GNPTAB: variants seen among roughly 807,000 people sequenced by gnomAD.
The protein encoded by GNPTAB is N-acetylglucosamine-1-phosphate transferase subunits alpha and beta.
Under a neutral mutation model 136.6 loss-of-function variants are expected in GNPTAB, and 92 were observed. The observed-to-expected ratio is 0.67, with a 90% CI of 0.57 to 0.80. The LOEUF (loss-of-function observed/expected upper bound fraction) is 0.80. GNPTAB is among the 30% of genes least tolerant of loss of function. The pLI, the probability that GNPTAB is intolerant of heterozygous loss-of-function variation, is 0.00. For missense variants in GNPTAB, 1,343 were observed against 1,501.8 expected, an observed-to-expected ratio of 0.89 and a Z score of 1.75; for synonymous variants, 512 against 535.1, an observed-to-expected ratio of 0.96 and a Z score of 0.60.
chr12:101,770,529 C>T lies in GNPTAB; in HGVS notation c.990G>A (p.Arg330=), dbSNP rs368026099. 3 of 1,613,434 alleles carry T rather than the reference C, an allele frequency of 1.9e-6. No homozygotes were observed. Among genetic ancestry groups the T allele is most frequent in the East Asian group, 2.2e-5 (1 of 44,878 alleles). The part of the protein sequence containing the change: ...ASRFEDNEEL[R]YSLRSIERHA... ...GCCTCTCGATAGATCGCAATGAGTA[C>T]CTCAGTTCTTCGTTATCTTCAAAAC... is the stretch of plus-strand genomic sequence containing the variant. The change falls in exon 9 of 21, where the codon AGG becomes AGA. Residue 330 remains arginine (R), a synonymous_variant. Coordinates refer to ENST00000299314, the MANE Select transcript of GNPTAB (RefSeq NM_024312.5).
intron 1 of GNPTAB, among the ~76,000 whole-genome samples, chr12:101,826,478 T>A (rs1296118581): frequency 6.7e-6 from 1 of 149,102 alleles, no homozygotes; most frequent in Non-Finnish European, 1.5e-5. Flanking sequence ...AATTTTTAAT[T>A]TTTTTAATTT....
At chr12:101,825,685 T>G (rs1012402242) in intron 1 of GNPTAB, among the ~76,000 whole-genome samples, 5 of 92,618 alleles carry the variant, frequency 5.4e-5, no homozygotes, top group Non-Finnish European at 7.8e-5. Context: ...GCATCTCTAG[T>G]ATAAAATCCA....
chr12:101,753,579 A>G, intron 18 of GNPTAB, 40 bp from the exon 19 acceptor site: 1 of 1,528,942 alleles, frequency 6.5e-7, no homozygotes, highest in Non-Finnish European at 9.1e-7. Context: ...TTACATATGG[A>G]TAATCCTGAC....
At chr12:101,761,845 G>T in intron 13 of GNPTAB, 82 bp from the exon 14 acceptor site, 2 of 1,025,798 alleles carry the variant, frequency 1.9e-6, no homozygotes, top group Non-Finnish European at 1.5e-6. Flanking sequence ...TATATAATGT[G>T]GTAATAACTA....
chr12:101,757,125 C>T, intron 18 of GNPTAB, 87 bp downstream of exon 18: 3 of 767,064 alleles, frequency 3.9e-6, no homozygotes, highest in Non-Finnish European at 6.7e-6. Flanking sequence ...TTGGTCTGTT[C>T]CATACAGAAA....
intron 5 of GNPTAB, among the ~76,000 whole-genome samples, chr12:101,784,139 ACTC>A (rs960530255): frequency 4.6e-5 from 7 of 152,160 alleles, no homozygotes; most frequent in African/African-American, 1.7e-4. Flanking sequence ...AAAACCATAA[ACTC>A]CTGTGCAATC....
rs752434034 is a variant in GNPTAB, at chr12:101,760,030, C to T, written c.3249G>A (p.Leu1083=). Residue 1083 remains leucine (L), a splice_region_variant and synonymous_variant, in exon 16 of 21, where the codon CTG becomes CTA. Coordinates refer to ENST00000299314, the MANE Select transcript of GNPTAB (RefSeq NM_024312.5). ...CATAAAAGTAACCCATTCCACTTAC[C>T]AGGTTGGGATCATAGTAGGATTCCT... is the stretch of plus-strand genomic sequence containing the variant. ...PTQESYYDPN[L]PPVTKSLVTN... 6.4e-7 allele frequency: 1 copy of T among 1,551,590 alleles called. No individual in the cohort carries two copies. Among genetic ancestry groups the T allele is most frequent in the South Asian group, 1.1e-5 (1 of 89,880 alleles).
rs561442316 is a variant in GNPTAB, at chr12:101,813,863, A to T, written c.117+16696T>A. 2.6e-5 allele frequency among the ~76,000 whole-genome samples: 4 copies of T among 152,166 alleles called. No homozygotes were observed. The South Asian group carries it at 8.3e-4, about 32-fold the overall frequency. On this transcript the variant is annotated intron_variant, in intron 1 of 20. Coordinates refer to ENST00000299314, the MANE Select transcript of GNPTAB (RefSeq NM_024312.5). ...TGGGAGGTTGAGACGGGCAGATCAC[A>T]AGGTCAGGAGTTTGAGACCAGCCTG... is the stretch of plus-strand genomic sequence containing the variant.
intron 1 of GNPTAB, among the ~76,000 whole-genome samples, chr12:101,829,434 G>A (rs535498753): frequency 1.3e-5 from 2 of 152,254 alleles, no homozygotes; most frequent in African/African-American, 2.4e-5. Flanking sequence ...GCAATGAGCC[G>A]AGATGGAGCC....
At position 101,770,036 on chromosome 12, in the gene GNPTAB, G is replaced by A. The variant is rs111863978; in HGVS notation, c.1269C>T (p.His423=). 8.9e-5 allele frequency: 143 copies of A among 1,614,088 alleles called. No homozygotes were observed. In the African/African-American group the frequency reaches 1.4e-3, roughly 16 times the overall value. ...KDVWPDDFYS[H]SKGQKVYLTW... ...AGGCACTCACCTTCTGGCCTTTGGA[G>A]TGACTGTAAAAATCATCTGGCCAGA... The change falls in exon 10 of 21, where the codon CAC becomes CAT. Residue 423 remains histidine (H), a synonymous_variant. Transcript: ENST00000299314.
intron 5 of GNPTAB, chr12:101,785,743 G>C: frequency 2.4e-6 from 1 of 414,810 alleles, no homozygotes; most frequent in East Asian, 4.8e-5. Context: ...ATAATTCAGA[G>C]CCAAGAGAAC....
At chr12:101,794,943 T>A (rs773823038) in intron 2 of GNPTAB, among the ~76,000 whole-genome samples, 9 of 152,140 alleles carry the variant, frequency 5.9e-5, no homozygotes, top group Non-Finnish European at 1.2e-4. Context: ...AATTTAAAAA[T>A]TTTTAAAAAC....
chr12:101,775,089 G>A (rs1566080033), intron 7 of GNPTAB, among the ~76,000 whole-genome samples: 1 of 152,188 alleles, frequency 6.6e-6, no homozygotes, highest in Non-Finnish European at 1.5e-5. Context: ...GCGGCAACAG[G>A]TCTAAACTGT....
intron 16 of GNPTAB, among the ~76,000 whole-genome samples, chr12:101,758,384 A>G (rs2137108273): frequency 6.6e-6 from 1 of 152,268 alleles, no homozygotes; most frequent in South Asian, 2.1e-4. Context: ...CATGTTGGCC[A>G]GGCTGGTCTT....
chr12:101,824,445 T>TC lies in GNPTAB; in HGVS notation c.117+6113_117+6114insG, dbSNP rs1280135161. On this transcript the variant is annotated intron_variant, in intron 1 of 20. Transcript: ENST00000299314. ...ATATATATATATATTTTCTTTTTTT[T>TC]TTTTTTTTTTTTGGTTAACCTTTTT... is the stretch of plus-strand genomic sequence containing the variant. Among the ~76,000 whole-genome samples the TC allele has an allele frequency of 5.2e-5, 7 of 135,680 alleles. 1 individual carries two copies. The highest frequency in any genetic ancestry group is 3.1e-5 in the Non-Finnish European group (2 of 63,802). 89.0% of individuals were successfully genotyped at this position (135,680 alleles called of 152,430 possible). A position where few individuals can be genotyped will look rare whatever the true frequency, so the allele number is the denominator to read the frequency against.
intron 3 of GNPTAB, among the ~76,000 whole-genome samples, chr12:101,789,549 A>G (rs1333092405): frequency 6.6e-6 from 1 of 152,168 alleles, no homozygotes; most frequent in Non-Finnish European, 1.5e-5. Flanking sequence ...CAGTGATACA[A>G]TCACGGCTCA....
At chr12:101,828,830 C>A (rs1871234969) in intron 1 of GNPTAB, among the ~76,000 whole-genome samples, 1 of 152,208 alleles carries the variant, frequency 6.6e-6, no homozygotes, top group African/African-American at 2.4e-5. Context: ...TAGCACCTAT[C>A]CCACAGGGGT....
chr12:101,820,509 C>A (rs1870738169), intron 1 of GNPTAB, among the ~76,000 whole-genome samples: 2 of 152,180 alleles, frequency 1.3e-5, no homozygotes, highest in African/African-American at 4.8e-5. Flanking sequence ...ACATTTTGGG[C>A]TGGATGATTC....
intron 4 of GNPTAB, among the ~76,000 whole-genome samples, chr12:101,787,562 ATTAATG>A (rs1868726879): frequency 2.6e-5 from 4 of 152,186 alleles, no homozygotes; most frequent in Admixed American, 1.3e-4. Context: ...AAAAAACAGT[ATTAATG>A]TTAATATAAT....
Sources: gnomAD v4.1 joint callset for allele counts (sites outside exome capture counted in the v4.1 genomes callset) on GRCh38, gnomAD v4.1.1 for gene constraint, MANE v1.5 for transcripts, NCBI Gene and HGNC (gene_info 2026-07-23, HGNC 2026-07-21) for gene names.